Variants in HYCC2 observed in about 807,000 individuals in gnomAD.
HYCC2 encodes the protein hyccin PI4KA lipid kinase complex subunit 2.
the HYCC2 span, among the ~76,000 whole-genome samples, chr2:201,000,073 A>AAAG: frequency 6.7e-6 from 1 of 149,106 alleles, no homozygotes; most frequent in African/African-American, 2.5e-5. Flanking sequence ...AAAAAAAAAA[A>AAAG]AAAAAAAGAA....
the HYCC2 span, among the ~76,000 whole-genome samples, chr2:201,031,062 T>C: frequency 6.6e-6 from 1 of 152,310 alleles, no homozygotes; most frequent in African/African-American, 2.4e-5. Flanking sequence ...CTAAAAATTG[T>C]ACTTGAAATT....
chr2:200,974,692 C>T, the HYCC2 span: 1 of 151,858 alleles, frequency 6.6e-6, no homozygotes, highest in Admixed American at 6.6e-5. Flanking sequence ...CTATAAAAAA[C>T]AATACATAAA....
the HYCC2 span, among the ~76,000 whole-genome samples, chr2:200,999,410 A>G: frequency 3.3e-5 from 5 of 151,272 alleles, no homozygotes; most frequent in African/African-American, 9.7e-5. Flanking sequence ...TTTGAGACAG[A>G]GTCTCGGTCT....
At chr2:200,995,366 A>G in the HYCC2 span, among the ~76,000 whole-genome samples, 6 of 152,284 alleles carry the variant, frequency 3.9e-5, no homozygotes, top group African/African-American at 7.2e-5. Flanking sequence ...CATGATCCCT[A>G]TGATCTTTCT....
the HYCC2 span, among the ~76,000 whole-genome samples, chr2:201,007,463 T>G: frequency 6.6e-6 from 1 of 152,208 alleles, no homozygotes; most frequent in Admixed American, 6.5e-5. Context: ...AAGGTTTACA[T>G]AGGTACTTGA....
the HYCC2 span, among the ~76,000 whole-genome samples, chr2:201,056,044 C>T: frequency 6.6e-5 from 10 of 151,926 alleles, no homozygotes; most frequent in African/African-American, 1.2e-4. Context: ...AAAAATTAGC[C>T]GGGGTGGTGG....
At chr2:201,042,221 G>A in the HYCC2 span, among the ~76,000 whole-genome samples, 1 of 152,234 alleles carries the variant, frequency 6.6e-6, no homozygotes, top group Non-Finnish European at 1.5e-5. Context: ...GCCTCCCGAG[G>A]TGCCGGGATT....
At chr2:201,043,103 G>A in the HYCC2 span, among the ~76,000 whole-genome samples, 1 of 152,108 alleles carries the variant, frequency 6.6e-6, no homozygotes, top group Non-Finnish European at 1.5e-5. Context: ...CTTCTGCCTT[G>A]GGATGCTGTT....
At chr2:201,005,367 T>C in the HYCC2 span, among the ~76,000 whole-genome samples, 1 of 152,142 alleles carries the variant, frequency 6.6e-6, no homozygotes, top group Non-Finnish European at 1.5e-5. Flanking sequence ...CAGAAGGTGG[T>C]GGTATTACTA....
the HYCC2 span, chr2:201,063,959 G>A: frequency 1.6e-5 from 25 of 1,597,392 alleles, no homozygotes; most frequent in South Asian, 5.5e-5. Context: ...CCCCTATGGC[G>A]GTGGAGGCCA....
At chr2:201,049,682 G>A in the HYCC2 span, among the ~76,000 whole-genome samples, 1 of 151,730 alleles carries the variant, frequency 6.6e-6, no homozygotes, top group Non-Finnish European at 1.5e-5. Context: ...AAGACTCCCT[G>A]CATAGTCAGC....
the HYCC2 span, among the ~76,000 whole-genome samples, chr2:201,015,158 A>T: frequency 6.6e-6 from 1 of 152,148 alleles, no homozygotes; most frequent in Non-Finnish European, 1.5e-5. Flanking sequence ...ATGCTGTGCT[A>T]TTTTGCTTCC....
the HYCC2 span, among the ~76,000 whole-genome samples, chr2:201,030,198 G>GA: frequency 1.3e-5 from 2 of 152,036 alleles, no homozygotes; most frequent in Non-Finnish European, 2.9e-5. Context: ...TCTATTGCTG[G>GA]ATATTAAATT....
At chr2:200,976,615 T>C in the HYCC2 span, 1 of 152,162 alleles carries the variant, frequency 6.6e-6, no homozygotes, top group African/African-American at 2.4e-5. Context: ...CAATTTTAAT[T>C]AATTTAAAGC....
At chr2:201,052,125 C>T in the HYCC2 span, 1 of 152,128 alleles carries the variant, frequency 6.6e-6, no homozygotes, top group Non-Finnish European at 1.5e-5. Flanking sequence ...TAGTGAAACC[C>T]CATCCCTATT....
chr2:201,068,711 G>A, the HYCC2 span, among the ~76,000 whole-genome samples: 1 of 152,180 alleles, frequency 6.6e-6, no homozygotes, highest in Non-Finnish European at 1.5e-5. Context: ...TTAAGGAGCA[G>A]AGCTACAAAG....
chr2:201,063,086 G>A, the HYCC2 span: 23,157 of 1,608,176 alleles, frequency 0.014, 215 homozygotes, highest in Non-Finnish European at 0.016. Flanking sequence ...TCACCCTGCC[G>A]TCATGTCTAA....
At chr2:201,009,897 A>G in the HYCC2 span, among the ~76,000 whole-genome samples, 1 of 151,918 alleles carries the variant, frequency 6.6e-6, no homozygotes, top group Non-Finnish European at 1.5e-5. Context: ...AGGTCAGGAT[A>G]TCAAGACCAT....
the HYCC2 span, among the ~76,000 whole-genome samples, chr2:201,002,902 T>G: frequency 6.6e-6 from 1 of 152,224 alleles, no homozygotes; most frequent in Non-Finnish European, 1.5e-5. Flanking sequence ...CAAATGTATG[T>G]ACAAAAAATG....
Sources: gnomAD v4.1 joint callset for allele counts (sites outside exome capture counted in the v4.1 genomes callset) on GRCh38, gnomAD v4.1.1 for gene constraint, MANE v1.5 for transcripts, NCBI Gene and HGNC (gene_info 2026-07-23, HGNC 2026-07-21) for gene names.